Variants in KIAA1217 observed in about 807,000 individuals in gnomAD.
KIAA1217 encodes KIAA1217, also known as sickle tail protein homolog.
A neutral mutation model predicts 163.9 loss-of-function variants in KIAA1217; 88 were observed. That is an observed-to-expected ratio of 0.54 (90% CI 0.45 to 0.64). The LOEUF (loss-of-function observed/expected upper bound fraction) is 0.64, where lower values mean the gene tolerates loss of function less well. Among genes scored for constraint, KIAA1217 ranks in the 30% least tolerant of loss-of-function variants. The probability of loss-of-function intolerance (pLI) is 0.00; values close to 1 mark genes in which losing one functional copy is unlikely to be tolerated. For synonymous variants in KIAA1217, 903 were observed against 923.1 expected, an observed-to-expected ratio of 0.98 and a Z score of 0.39; for missense variants, 2,372 against 2,475.0, an observed-to-expected ratio of 0.96 and a Z score of 0.88.
At chr10:24,009,021 A>G (rs2131484376) in intron 2 of KIAA1217, among the ~76,000 whole-genome samples, 1 of 152,336 alleles carries the variant, frequency 6.6e-6, no homozygotes, top group South Asian at 2.1e-4. Flanking sequence ...ATAGTTCATT[A>G]CAAAGTCATC....
intron 1 of KIAA1217, among the ~76,000 whole-genome samples, chr10:23,983,174 T>C (rs899655136): frequency 6.6e-6 from 1 of 152,080 alleles, no homozygotes; most frequent in South Asian, 2.1e-4. Flanking sequence ...AAGTACATCA[T>C]AGAGCGAAGC....
chr10:24,342,937 G>A (rs970485806), intron 2 of KIAA1217, among the ~76,000 whole-genome samples: 17 of 152,194 alleles, frequency 1.1e-4, no homozygotes, highest in Admixed American at 3.3e-4. Flanking sequence ...GATTACAGGC[G>A]TGAGCCACTG....
intron 2 of KIAA1217, among the ~76,000 whole-genome samples, chr10:24,288,467 G>A (rs536716847): frequency 1.1e-3 from 169 of 152,282 alleles, no homozygotes; most frequent in African/African-American, 3.8e-3. Context: ...TTTACAGAGC[G>A]TCCACACGCC....
At chr10:24,068,071 C>T (rs1589377804) in intron 2 of KIAA1217, among the ~76,000 whole-genome samples, 1 of 152,226 alleles carries the variant, frequency 6.6e-6, no homozygotes, top group Admixed American at 6.5e-5. Flanking sequence ...AAAGGGAATT[C>T]CCTGACCCCT....
intron 3 of KIAA1217, among the ~76,000 whole-genome samples, chr10:24,385,309 G>T (rs888871944): frequency 2.0e-5 from 3 of 152,226 alleles, no homozygotes; most frequent in Admixed American, 1.3e-4. Flanking sequence ...TGGGAGAAAT[G>T]CAGGAAGGCT....
At chr10:23,886,962 G>A (rs1841202107) in intron 1 of KIAA1217, among the ~76,000 whole-genome samples, 1 of 151,622 alleles carries the variant, frequency 6.6e-6, no homozygotes, top group African/African-American at 2.4e-5. Context: ...TATTCTGTAA[G>A]CCTATCAAAT....
intron 1 of KIAA1217, among the ~76,000 whole-genome samples, chr10:23,752,993 A>G (rs1833727734): frequency 6.6e-6 from 1 of 152,202 alleles, no homozygotes; most frequent in South Asian, 2.1e-4. Flanking sequence ...CCAAATTCAT[A>G]CAAATAACAG....
At chr10:23,938,670 A>G (rs555827479) in intron 1 of KIAA1217, among the ~76,000 whole-genome samples, 1 of 92,400 alleles carries the variant, frequency 1.1e-5, no homozygotes, top group Non-Finnish European at 2.6e-5. Flanking sequence ...GATTTAGAGT[A>G]AAAAAAAAAA....
chr10:23,971,694 T>C (rs1412303389), intron 1 of KIAA1217, among the ~76,000 whole-genome samples: 1 of 152,190 alleles, frequency 6.6e-6, no homozygotes, highest in Admixed American at 6.5e-5. Context: ...TATTTTGAAA[T>C]GGTCCTGCAA....
At chr10:23,969,455 T>G (rs2131388401) in intron 1 of KIAA1217, among the ~76,000 whole-genome samples, 1 of 152,348 alleles carries the variant, frequency 6.6e-6, no homozygotes, top group South Asian at 2.1e-4. Context: ...CACCAAAATT[T>G]GTTATTATCT....
intron 13 of KIAA1217, 62 bp from the exon 14 acceptor site, chr10:24,527,874 C>T (rs1052140768): frequency 1.3e-5 from 17 of 1,307,320 alleles, no homozygotes; most frequent in Middle Eastern, 1.9e-4. Context: ...TGAGAGGTCC[C>T]AGTGTCCGTT....
chr10:24,513,155 C>G, intron 9 of KIAA1217, 104 bp from the exon 10 acceptor site: 1 of 987,996 alleles, frequency 1.0e-6, no homozygotes. Flanking sequence ...AAAGATTCAG[C>G]CGCAGGGCTG....
At chr10:24,294,721 T>C (rs541602532) in intron 2 of KIAA1217, among the ~76,000 whole-genome samples, 6 of 152,318 alleles carry the variant, frequency 3.9e-5, no homozygotes, top group Non-Finnish European at 8.8e-5. Flanking sequence ...GTGGAAACTT[T>C]AAGATCTCCA....
intron 2 of KIAA1217, among the ~76,000 whole-genome samples, chr10:24,361,711 C>T (rs2050025733): frequency 6.6e-6 from 1 of 151,990 alleles, no homozygotes; most frequent in Admixed American, 6.6e-5. Context: ...GGCGATGGCT[C>T]ACGCCTGTAA....
intron 5 of KIAA1217, among the ~76,000 whole-genome samples, chr10:24,471,392 A>G (rs1165673847): frequency 1.3e-5 from 2 of 152,120 alleles, no homozygotes; most frequent in Non-Finnish European, 2.9e-5. Context: ...TCCCTCAGTT[A>G]TTTGGAGAAT....
intron 1 of KIAA1217, among the ~76,000 whole-genome samples, chr10:23,872,302 GACTT>G (rs1840491931): frequency 6.6e-6 from 1 of 151,566 alleles, no homozygotes; most frequent in Non-Finnish European, 1.5e-5. Flanking sequence ...GATTTTAAAA[GACTT>G]AGGAGAGATA....
At chr10:23,764,328 A>T (rs985703410) in intron 1 of KIAA1217, among the ~76,000 whole-genome samples, 1 of 152,198 alleles carries the variant, frequency 6.6e-6, no homozygotes, top group Non-Finnish European at 1.5e-5. Context: ...GGCTCTGGAG[A>T]AATAGGAACA....
At chr10:24,153,950 C>G (rs1000840819) in intron 2 of KIAA1217, among the ~76,000 whole-genome samples, 4 of 149,842 alleles carry the variant, frequency 2.7e-5, no homozygotes, top group African/African-American at 9.9e-5. Flanking sequence ...TGTGTCTCTA[C>G]AAAAAATATT....
intron 1 of KIAA1217, among the ~76,000 whole-genome samples, chr10:23,787,705 A>G (rs965498060): frequency 6.6e-6 from 1 of 152,200 alleles, no homozygotes; most frequent in African/African-American, 2.4e-5. Context: ...AATGTGTTAC[A>G]TGCATATTTT....
Sources: gnomAD v4.1 joint callset for allele counts (sites outside exome capture counted in the v4.1 genomes callset) on GRCh38, gnomAD v4.1.1 for gene constraint, MANE v1.5 for transcripts, NCBI Gene and HGNC (gene_info 2026-07-23, HGNC 2026-07-21) for gene names.